Variants in AFG1L observed in about 807,000 individuals in gnomAD.
The protein encoded by AFG1L is AFG1-like ATPase.
Under a neutral mutation model 62.2 loss-of-function variants are expected in AFG1L, and 53 were observed. That is an observed-to-expected ratio of 0.85 (90% CI 0.68 to 1.07). AFG1L has a LOEUF of 1.07. AFG1L is among the 50% of genes least tolerant of loss of function. The pLI, the probability that AFG1L is intolerant of heterozygous loss-of-function variation, is 0.00. For synonymous variants in AFG1L, 228 were observed against 210.3 expected, an observed-to-expected ratio of 1.08 and a Z score of -0.73; for missense variants, 555 against 590.5, an observed-to-expected ratio of 0.94 and a Z score of 0.62.
chr6:108,320,160 A>G (rs1404267168), intron 1 of AFG1L, among the ~76,000 whole-genome samples: 1 of 152,188 alleles, frequency 6.6e-6, no homozygotes, highest in African/African-American at 2.4e-5. Flanking sequence ...TCAGCCCTGG[A>G]GTTGGCAGAA....
chr6:108,465,292 C>G (rs1033305429), intron 8 of AFG1L, among the ~76,000 whole-genome samples: 3 of 152,192 alleles, frequency 2.0e-5, no homozygotes, highest in Non-Finnish European at 4.4e-5. Context: ...ATGCTGTGGT[C>G]TTTCCATACA....
At chr6:108,409,501 G>C (rs1219328202) in intron 7 of AFG1L, among the ~76,000 whole-genome samples, 1 of 152,126 alleles carries the variant, frequency 6.6e-6, no homozygotes, top group Non-Finnish European at 1.5e-5. Flanking sequence ...AAAAGCACGT[G>C]ATAGATATAT....
chr6:108,350,923 A>G (rs1779055086), intron 3 of AFG1L, among the ~76,000 whole-genome samples: 1 of 152,166 alleles, frequency 6.6e-6, no homozygotes, highest in Admixed American at 6.6e-5. Flanking sequence ...TGTGCCTACT[A>G]CACACCTAGG....
intron 7 of AFG1L, among the ~76,000 whole-genome samples, chr6:108,431,759 T>G (rs1438025988): frequency 6.6e-6 from 1 of 151,782 alleles, no homozygotes; most frequent in African/African-American, 2.4e-5. Flanking sequence ...ATTTTTTGTA[T>G]TTTTAGTAGA....
intron 8 of AFG1L, among the ~76,000 whole-genome samples, chr6:108,453,364 C>A (rs551613975): frequency 3.0e-4 from 46 of 152,270 alleles, no homozygotes; most frequent in Non-Finnish European, 5.6e-4. Context: ...AATACTTTTA[C>A]TAGTGGAAGT....
At chr6:108,340,783 T>C (rs1362134238) in intron 2 of AFG1L, among the ~76,000 whole-genome samples, 1 of 152,166 alleles carries the variant, frequency 6.6e-6, no homozygotes, top group Non-Finnish European at 1.5e-5. Context: ...GAGGAATCGT[T>C]TTCCTTTGTA....
chr6:108,443,300 A>G (rs1401820084), intron 7 of AFG1L, among the ~76,000 whole-genome samples: 3 of 152,156 alleles, frequency 2.0e-5, no homozygotes, highest in East Asian at 1.9e-4. Flanking sequence ...TTCTCACAGC[A>G]TAGTAGCCTC....
chr6:108,356,416 C>T (rs1268179287), intron 4 of AFG1L, among the ~76,000 whole-genome samples: 1 of 152,174 alleles, frequency 6.6e-6, no homozygotes, highest in African/African-American at 2.4e-5. Flanking sequence ...CATCTAATCA[C>T]TTGTCTATTA....
intron 7 of AFG1L, among the ~76,000 whole-genome samples, chr6:108,417,277 CA>C (rs1770349402): frequency 2.4e-5 from 3 of 127,216 alleles, no homozygotes; most frequent in Admixed American, 1.8e-4. Context: ...CACACACACA[CA>C]CACACACACA....
Position 108,453,061 on chromosome 6 carries a change from G to A in AFG1L, c.890+5765G>A, listed in dbSNP as rs938543947. Among the ~76,000 whole-genome samples the A allele has an allele frequency of 3.3e-5, 5 of 152,144 alleles. No homozygotes were observed. The East Asian group carries it at 7.7e-4, about 23-fold the overall frequency. On this transcript the variant is annotated intron_variant, in intron 8 of 12. Coordinates refer to ENST00000368977, the MANE Select transcript of AFG1L (RefSeq NM_145315.5). ...TCTCTCCCAACAGGGGGCATTTACC[G>A]GACATTAGACCTTAAAGAACCGGGC...
rs201432437 is a variant in AFG1L at position 108,324,368 on chromosome 6, T to C, written c.363+320T>C. On this transcript the variant is annotated intron_variant, in intron 2 of 12. Transcript: ENST00000368977. ...ATCAGCAGTGGAAAAGGAGGAGTGATGTGTTCTTTCCCTTTTCTTCCTCCT... is the reference window on the plus strand; with the variant it reads ...ATCAGCAGTGGAAAAGGAGGAGTGACGTGTTCTTTCCCTTTTCTTCCTCCT... Among the ~76,000 whole-genome samples the C allele has an allele frequency of 1.6e-3, 247 of 152,320 alleles. 1 individual carries two copies. The highest frequency in any genetic ancestry group is 5.5e-3 in the African/African-American group (227 of 41,580).
chr6:108,459,686 T>C (rs1772381299), intron 8 of AFG1L, among the ~76,000 whole-genome samples: 1 of 152,176 alleles, frequency 6.6e-6, no homozygotes, highest in Non-Finnish European at 1.5e-5. Context: ...TAGGTAGCAA[T>C]TGAAAAAATG....
chr6:108,371,588 C>G (rs1192396764), intron 6 of AFG1L, among the ~76,000 whole-genome samples: 1 of 151,754 alleles, frequency 6.6e-6, no homozygotes, highest in Non-Finnish European at 1.5e-5. Context: ...TGGTCTCAAA[C>G]TCCTGTGCTG....
intron 10 of AFG1L, among the ~76,000 whole-genome samples, chr6:108,488,944 G>A (rs1348991573): frequency 6.6e-6 from 1 of 152,136 alleles, no homozygotes; most frequent in East Asian, 1.9e-4. Context: ...ATTTATGTCA[G>A]AGTAGCTCCT....
intron 1 of AFG1L, among the ~76,000 whole-genome samples, chr6:108,307,682 C>T (rs1160804747): frequency 6.6e-6 from 1 of 152,142 alleles, no homozygotes; most frequent in Non-Finnish European, 1.5e-5. Context: ...TGTATGCTTT[C>T]TGTTGGGCAG....
At chr6:108,400,776 T>C (rs1284202028) in intron 6 of AFG1L, among the ~76,000 whole-genome samples, 1 of 127,182 alleles carries the variant, frequency 7.9e-6, no homozygotes, top group African/African-American at 3.0e-5. Context: ...ATTTATAATA[T>C]ATGTTATATA....
intron 7 of AFG1L, among the ~76,000 whole-genome samples, chr6:108,430,360 G>T (rs901586483): frequency 6.6e-6 from 1 of 152,164 alleles, no homozygotes; most frequent in African/African-American, 2.4e-5. Flanking sequence ...ATTTTATTGG[G>T]TGTTGCTTAT....
intron 6 of AFG1L, chr6:108,372,837 A>C (rs1436869746): frequency 6.5e-6 from 1 of 153,482 alleles, no homozygotes; most frequent in African/African-American, 2.4e-5. Context: ...TACAGGAGGA[A>C]GTTCTATATG....
intron 6 of AFG1L, among the ~76,000 whole-genome samples, chr6:108,382,647 G>A (rs998218887): frequency 2.0e-5 from 3 of 152,174 alleles, no homozygotes; most frequent in African/African-American, 7.2e-5. Flanking sequence ...AATACCAAAT[G>A]TATGTATCTT....
Sources: allele counts gnomAD v4.1 joint callset (sites outside exome capture counted in the v4.1 genomes callset), GRCh38; gene constraint gnomAD v4.1.1; transcripts MANE v1.5; gene names NCBI Gene and HGNC (gene_info 2026-07-23, HGNC 2026-07-21).